The following RPTOR variants were observed in gnomAD, a reference collection of about 807,000 sequenced individuals.
The protein encoded by RPTOR is regulatory-associated protein of mTOR.
RPTOR carries 21 observed loss-of-function variants against 169.9 expected under a neutral mutation model. That is an observed-to-expected ratio of 0.12 (90% CI 0.09 to 0.18). The LOEUF (loss-of-function observed/expected upper bound fraction) is 0.18. RPTOR is among the 10% of genes least tolerant of loss of function. The probability of loss-of-function intolerance (pLI) is 1.00; values close to 1 mark genes in which losing one functional copy is unlikely to be tolerated. For missense variants in RPTOR, 1,133 were observed against 1,855.9 expected, an observed-to-expected ratio of 0.61 and a Z score of 7.16; for synonymous variants, 732 against 753.2, an observed-to-expected ratio of 0.97 and a Z score of 0.46.
intron 25 of RPTOR, among the ~76,000 whole-genome samples, chr17:80,945,274 G>A (rs994825903): frequency 2.0e-5 from 3 of 151,996 alleles, no homozygotes; most frequent in African/African-American, 4.8e-5. Flanking sequence ...CAGCCAGGGC[G>A]ACAGAACAGG....
chr17:80,817,981 C>A (rs1034844853), intron 7 of RPTOR, among the ~76,000 whole-genome samples: 1 of 152,152 alleles, frequency 6.6e-6, no homozygotes, highest in Non-Finnish European at 1.5e-5. Flanking sequence ...GGCAAGAAAC[C>A]GCATGCCACA....
At chr17:80,674,611 T>C (rs1311805418) in intron 3 of RPTOR, among the ~76,000 whole-genome samples, 2 of 152,140 alleles carry the variant, frequency 1.3e-5, no homozygotes, top group Admixed American at 6.5e-5. Flanking sequence ...ATGCATTTGC[T>C]TTGGAGTTTT....
intron 1 of RPTOR, among the ~76,000 whole-genome samples, chr17:80,623,425 TC>T (rs1239194286): frequency 6.6e-6 from 1 of 152,222 alleles, no homozygotes; most frequent in Non-Finnish European, 1.5e-5. Context: ...TATCTGGAAA[TC>T]TTAAAATTAA....
intron 33 of RPTOR, 121 bp from the exon 34 acceptor site, chr17:80,964,141 G>A (rs528785038): frequency 6.9e-5 from 59 of 850,082 alleles, no homozygotes; most frequent in African/African-American, 6.1e-4. Flanking sequence ...TGAGGTGGGC[G>A]TGGGGGTTCC....
At chr17:80,925,144 G>A (rs572819370) in intron 23 of RPTOR, among the ~76,000 whole-genome samples, 71 of 152,326 alleles carry the variant, frequency 4.7e-4, no homozygotes, top group African/African-American at 1.6e-3. Context: ...TGGGACCGAC[G>A]TGGCTCACAC....
chr17:80,957,649 G>A lies in RPTOR; in HGVS notation c.3396G>A (p.Glu1132=). 1 of 1,614,146 alleles carries A rather than the reference G, an allele frequency of 6.2e-7. No homozygotes were observed. The highest frequency in any genetic ancestry group is 8.5e-7 in the Non-Finnish European group (1 of 1,180,014). Residue 1132 remains glutamate, a synonymous_variant, in exon 29 of 34, where the codon GAG becomes GAA. Transcript: ENST00000306801. The surrounding 1 kb of genome is among the most constrained non-coding windows in gnomAD (Gnocchi z 4.6). ...GAGCTGGGATGGTGGTGGACTGGGA[G>A]CAGGAGACCGGCCTCCTCATGAGCT... ...TRGAGMVVDW[E]QETGLLMSSG...
intron 6 of RPTOR, among the ~76,000 whole-genome samples, chr17:80,764,581 T>C (rs2066768351): frequency 6.6e-6 from 1 of 152,106 alleles, no homozygotes; most frequent in Admixed American, 6.6e-5. Flanking sequence ...TTTGGGTTGG[T>C]TCCAAGTCTT....
intron 3 of RPTOR, among the ~76,000 whole-genome samples, chr17:80,662,808 A>C (rs984908495): frequency 2.6e-5 from 4 of 152,150 alleles, no homozygotes; most frequent in African/African-American, 9.7e-5. Flanking sequence ...GGCCTTTCAT[A>C]GTCTTACAAA....
chr17:80,610,072 C>T (rs1006121551), intron 1 of RPTOR, among the ~76,000 whole-genome samples: 9 of 152,112 alleles, frequency 5.9e-5, no homozygotes, highest in Non-Finnish European at 8.8e-5. Flanking sequence ...AACTAATGGT[C>T]ATAGAGTTGC....
chr17:80,743,041 G>A (rs1282037304), intron 5 of RPTOR, among the ~76,000 whole-genome samples: 1 of 152,176 alleles, frequency 6.6e-6, no homozygotes, highest in Admixed American at 6.5e-5. Context: ...AGAAGGTGGA[G>A]TGAGTACACG....
chr17:80,674,364 C>T (rs2065844996), intron 3 of RPTOR, among the ~76,000 whole-genome samples: 1 of 152,194 alleles, frequency 6.6e-6, no homozygotes, highest in South Asian at 2.1e-4. Flanking sequence ...GAAGACCCCA[C>T]TGTTTTCCTT....
At chr17:80,753,914 T>G in intron 5 of RPTOR, 96 bp from the exon 6 acceptor site, 11 of 1,146,560 alleles carry the variant, frequency 9.6e-6, no homozygotes, top group Non-Finnish European at 1.4e-5. Flanking sequence ...CCTGAGTTGA[T>G]TTATTCTTTC....
chr17:80,559,326 C>T (rs901169392), intron 1 of RPTOR, among the ~76,000 whole-genome samples: 1 of 152,140 alleles, frequency 6.6e-6, no homozygotes, highest in Non-Finnish European at 1.5e-5. Flanking sequence ...ACCTTCAAGC[C>T]GTTTCTTGCT....
intron 6 of RPTOR, among the ~76,000 whole-genome samples, chr17:80,764,160 ATT>A (rs1395269247): frequency 2.3e-5 from 3 of 131,376 alleles, no homozygotes; most frequent in African/African-American, 2.9e-5. Context: ...ATTTTATTTT[ATT>A]TTATTTTATT....
intron 13 of RPTOR, among the ~76,000 whole-genome samples, chr17:80,863,628 G>A (rs961812884): frequency 3.3e-5 from 5 of 152,200 alleles, no homozygotes. Context: ...GGAGAAAACA[G>A]TACACGGTTA....
In RPTOR at chr17:80,634,639, GTGCATACTGTA is replaced by G. The variant is rs1235688348; in HGVS notation, c.265+8849_265+8859del. Among the ~76,000 whole-genome samples the G allele has an allele frequency of 2.1e-4, 28 of 131,080 alleles. 4 individuals are homozygous for G. Among genetic ancestry groups the G allele is most frequent in the African/African-American group, 6.1e-4 (21 of 34,312 alleles). 86.0% of individuals were successfully genotyped at this position (131,080 alleles called of 152,430 possible). ...CTGTGTGCGTGTGCGTACTGTGTGT[GTGCATACTGTA>G]TGTGCGTACTGTGTGTGTGCGTACT... On this transcript the variant is annotated intron_variant, in intron 2 of 33. Coordinates refer to ENST00000306801, the MANE Select transcript of RPTOR (RefSeq NM_020761.3).
At position 80,960,452 on chromosome 17, in the gene RPTOR, G is replaced by A. The variant is rs1294846622; in HGVS notation, c.3605+247G>A. Among the ~76,000 whole-genome samples the A allele has an allele frequency of 6.6e-6, 1 of 152,250 alleles. No individual in the cohort carries two copies. Among genetic ancestry groups the A allele is most frequent in the Non-Finnish European group, 1.5e-5 (1 of 68,046 alleles). On this transcript the variant is annotated intron_variant, in intron 30 of 33. Coordinates refer to ENST00000306801, the MANE Select transcript of RPTOR (RefSeq NM_020761.3). This position sits in a 1 kb window ranked among gnomAD's most constrained non-coding sequence, Gnocchi z 4.8. ...CCCCACAGCCTATGGAGGAGCACAG[G>A]GGACAGGCCATGTGGGATGAGCCAG...
At chr17:80,561,922 G>A (rs1209110737) in intron 1 of RPTOR, among the ~76,000 whole-genome samples, 1 of 152,172 alleles carries the variant, frequency 6.6e-6, no homozygotes, top group Non-Finnish European at 1.5e-5. Flanking sequence ...TTGTGTACAT[G>A]TGCTTATGTG....
intron 1 of RPTOR, among the ~76,000 whole-genome samples, chr17:80,607,180 C>T (rs2065235425): frequency 6.6e-6 from 1 of 152,134 alleles, no homozygotes; most frequent in Admixed American, 6.5e-5. Context: ...CTCAAGTGAT[C>T]TTCCTGTGTC....
Sources: gnomAD v4.1 joint callset for allele counts (sites outside exome capture counted in the v4.1 genomes callset) on GRCh38, gnomAD v4.1.1 for gene constraint, Gnocchi (gnomAD v3.1) non-coding constraint, MANE v1.5 for transcripts, NCBI Gene and HGNC (gene_info 2026-07-23, HGNC 2026-07-21) for gene names.